IQCH: variants seen among roughly 807,000 people sequenced by gnomAD.
The protein encoded by IQCH is IQ domain-containing protein H.
Under a neutral mutation model 117.0 loss-of-function variants are expected in IQCH, and 98 were observed. The ratio of observed to expected loss-of-function variants is 0.84; its 90% confidence interval spans 0.71 to 0.99. IQCH has a LOEUF of 0.99. IQCH is among the 50% of genes least tolerant of loss of function. The pLI is 0.00. For missense variants in IQCH, 1,102 were observed against 1,243.8 expected (o/e 0.89, Z 1.72); for synonymous variants, 412 against 448.2 (o/e 0.92, Z 1.02).
At chr15:67,399,634 A>C (rs966957657) in intron 13 of IQCH, among the ~76,000 whole-genome samples, 2 of 152,240 alleles carry the variant, frequency 1.3e-5, no homozygotes, top group Non-Finnish European at 2.9e-5. Flanking sequence ...TACATTAATG[A>C]GGAAAAAATT....
At chr15:67,399,967 A>T in intron 13 of IQCH, 147 bp from the exon 14 acceptor site, 1 of 574,962 alleles carries the variant, frequency 1.7e-6, no homozygotes, top group Non-Finnish European at 3.0e-6. Flanking sequence ...AAACTTCTTT[A>T]ATCTGTCTTA....
In IQCH at chr15:67,372,427, A is replaced by G. The variant is rs1019154392; in HGVS notation, c.1070A>G (p.Asn357Ser). The G allele has an allele frequency of 1.2e-6, 2 of 1,614,096 alleles. No homozygotes were observed. The highest frequency in any genetic ancestry group is 1.3e-5 in the African/African-American group (1 of 75,032). The change falls in exon 9 of 21, where the codon AAT (asparagine) becomes AGT (serine). Residue 357 changes from asparagine (N) to serine (S), a missense_variant. By Grantham distance (46) the Asn-to-Ser change is conservative. Transcript: ENST00000335894. ...CCAGCTCATGTCCAAATGCTGATAA[A>G]TCTTCCAGGGCAAAGGTACAAGGGC... is the stretch of plus-strand genomic sequence containing the variant. ...EDPAHVQMLI[N>S]LPGQRYKGQD...
intron 4 of IQCH, among the ~76,000 whole-genome samples, chr15:67,315,269 A>G (rs1967792785): frequency 1.3e-5 from 2 of 152,204 alleles, no homozygotes; most frequent in South Asian, 4.1e-4. Context: ...GTGAACAGGG[A>G]AACCGACTAA....
At chr15:67,348,133 T>C (rs1440623364) in intron 6 of IQCH, among the ~76,000 whole-genome samples, 1 of 151,962 alleles carries the variant, frequency 6.6e-6, no homozygotes, top group Non-Finnish European at 1.5e-5. Flanking sequence ...ATAAAAGATG[T>C]CTACAACTAA....
At chr15:67,400,066 C>A in intron 13 of IQCH, 48 bp from the exon 14 acceptor site, 2 of 1,482,312 alleles carry the variant, frequency 1.3e-6, no homozygotes, top group South Asian at 1.2e-5. Flanking sequence ...AAAAAGGAAT[C>A]CCAGGAAATG....
In IQCH at chr15:67,404,580, A is replaced by T. The variant is rs1188869748; in HGVS notation, c.2097+4275A>T. Reference sequence around the variant, plus strand: ...CAAACATAGTTGTTTTCATTTTTGTATATTAATTTCTAAATATGCAGTATT... The same window carrying T: ...CAAACATAGTTGTTTTCATTTTTGTTTATTAATTTCTAAATATGCAGTATT... On this transcript the variant is annotated intron_variant, in intron 14 of 20. Transcript: ENST00000335894. The surrounding 1 kb of genome is among the most constrained non-coding windows in gnomAD (Gnocchi z 4.6). 6.6e-6 allele frequency: 1 copy of T among 152,232 alleles called. No homozygotes were observed. The highest frequency in any genetic ancestry group is 1.5e-5 in the Non-Finnish European group (1 of 68,044). 9.4% of individuals were successfully genotyped at this position (152,232 alleles called of 1,614,324 possible).
chr15:67,439,993 A>G (rs1302569937), intron 16 of IQCH, among the ~76,000 whole-genome samples: 1 of 152,184 alleles, frequency 6.6e-6, no homozygotes, highest in Non-Finnish European at 1.5e-5. Flanking sequence ...AAGAAAAGAA[A>G]AGAGAAAATC....
Position 67,422,061 on chromosome 15 carries a change from T to G in IQCH, c.2505+484T>G, listed in dbSNP as rs1596345085. On this transcript the variant is annotated intron_variant, in intron 16 of 20. Coordinates refer to ENST00000335894, the MANE Select transcript of IQCH (RefSeq NM_001031715.3). This position sits in a 1 kb window ranked among gnomAD's most constrained non-coding sequence, Gnocchi z 4.7. Reference sequence around the variant, plus strand: ...TTGCAATGAGCCGAGATCATGCTACTACACTCCAGCCTGGGTGACAGAGTG... The same window carrying G: ...TTGCAATGAGCCGAGATCATGCTACGACACTCCAGCCTGGGTGACAGAGTG... Among the ~76,000 whole-genome samples the G allele has an allele frequency of 1.3e-5, 2 of 150,298 alleles. No individual in the cohort carries two copies. Among genetic ancestry groups the G allele is most frequent in the East Asian group, 3.9e-4 (2 of 5,116 alleles).
At chr15:67,477,639 A>AT (rs1313175436) in intron 18 of IQCH, among the ~76,000 whole-genome samples, 2 of 152,354 alleles carry the variant, frequency 1.3e-5, no homozygotes, top group Non-Finnish European at 2.9e-5. Flanking sequence ...AATTAAATAG[A>AT]TTTTAACCCC....
In IQCH at chr15:67,494,866, C is replaced by G. The variant is rs1043144648; in HGVS notation, c.2970+500C>G. Among the ~76,000 whole-genome samples, 1 of 152,098 alleles carries G rather than the reference C, an allele frequency of 6.6e-6. No individual in the cohort carries two copies. The highest frequency in any genetic ancestry group is 2.1e-4 in the South Asian group (1 of 4,806). On this transcript the variant is annotated intron_variant, in intron 20 of 20. Transcript: ENST00000335894. The surrounding 1 kb of genome is among the most constrained non-coding windows in gnomAD (Gnocchi z 5.5). ...CCATCTACCCCACCCGTTTCTCCAC[C>G]GTGGGTTGGATTATTTCACTACTAA...
At chr15:67,455,286 A>G (rs901171360) in intron 16 of IQCH, among the ~76,000 whole-genome samples, 9 of 152,166 alleles carry the variant, frequency 5.9e-5, no homozygotes, top group Admixed American at 3.3e-4. Flanking sequence ...CCTCTCTAGG[A>G]ATTTCCCAAA....
intron 4 of IQCH, among the ~76,000 whole-genome samples, chr15:67,287,923 G>A (rs185214558): frequency 1.1e-4 from 16 of 151,976 alleles, no homozygotes; most frequent in Admixed American, 7.3e-4. Flanking sequence ...ATATCCCACA[G>A]GTTTTGGTAT....
chr15:67,283,554 G>GTGACAA (rs1966449828), intron 4 of IQCH, among the ~76,000 whole-genome samples: 2 of 152,064 alleles, frequency 1.3e-5, no homozygotes, highest in East Asian at 3.9e-4. Context: ...ATCCGTGACA[G>GTGACAA]CAAAAGAGGG....
At chr15:67,462,234 C>A (rs1275335034) in intron 16 of IQCH, among the ~76,000 whole-genome samples, 2 of 151,660 alleles carry the variant, frequency 1.3e-5, no homozygotes, top group Non-Finnish European at 2.9e-5. Context: ...CCAGACCAGC[C>A]TGGCCAAGAC....
Position 67,395,221 on chromosome 15 carries a change from C to T in IQCH, c.1633-70C>T, listed in dbSNP as rs1971422357. ...TTAATAATGTATTTATTATGTGCAA[C>T]ATTATAAATTAGGTGTATGGACTAG... On this transcript the variant is annotated intron_variant, in intron 12 of 20. Coordinates refer to ENST00000335894, the MANE Select transcript of IQCH (RefSeq NM_001031715.3). This position sits in a 1 kb window ranked among gnomAD's most constrained non-coding sequence, Gnocchi z 4.0. The T allele has an allele frequency of 1.4e-6, 2 of 1,459,446 alleles. No homozygotes were observed. The highest frequency in any genetic ancestry group is 1.9e-6 in the Non-Finnish European group (2 of 1,072,342). 90.4% of individuals were successfully genotyped at this position (1,459,446 alleles called of 1,614,324 possible). A position where few individuals can be genotyped will look rare whatever the true frequency, so the allele number is the denominator to read the frequency against.
chr15:67,471,387 ATG>A (rs2083068029), intron 17 of IQCH, among the ~76,000 whole-genome samples: 1 of 152,190 alleles, frequency 6.6e-6, no homozygotes, highest in South Asian at 2.1e-4. Context: ...ATAGAAAATA[ATG>A]TTTTCTATTT....
At chr15:67,415,008 G>A (rs2081541616) in intron 14 of IQCH, among the ~76,000 whole-genome samples, 1 of 152,164 alleles carries the variant, frequency 6.6e-6, no homozygotes. Flanking sequence ...CAGCTTTGGG[G>A]CACTTCATAA....
At position 67,376,232 on chromosome 15, in the gene IQCH, C is replaced by G. The variant is rs1970734109; in HGVS notation, c.1372+2799C>G. ...GTACCCTTTTTTTGTGTACCACATC[C>G]CTGGGAGTCCTTAAAGAAGATTTCA... is the stretch of plus-strand genomic sequence containing the variant. On this transcript the variant is annotated intron_variant, in intron 10 of 20. Coordinates refer to ENST00000335894, the MANE Select transcript of IQCH (RefSeq NM_001031715.3). This position sits in a 1 kb window ranked among gnomAD's most constrained non-coding sequence, Gnocchi z 5.0. 6.6e-6 allele frequency among the ~76,000 whole-genome samples: 1 copy of G among 152,040 alleles called. No homozygotes were observed. The highest frequency in any genetic ancestry group is 2.4e-5 in the African/African-American group (1 of 41,380).
intron 16 of IQCH, among the ~76,000 whole-genome samples, chr15:67,439,566 T>C (rs991005274): frequency 3.9e-5 from 6 of 151,930 alleles, no homozygotes; most frequent in African/African-American, 1.5e-4. Context: ...CAGAACTACA[T>C]GAAATTTGAA....
Sources: allele counts gnomAD v4.1 joint callset (sites outside exome capture counted in the v4.1 genomes callset), GRCh38; gene constraint gnomAD v4.1.1; non-coding constraint Gnocchi (gnomAD v3.1); transcripts MANE v1.5; gene names NCBI Gene and HGNC (gene_info 2026-07-23, HGNC 2026-07-21).